The following OR4Q3 variants were observed in gnomAD, a reference collection of about 807,000 sequenced individuals.
The protein encoded by OR4Q3 is olfactory receptor family 4 subfamily Q member 3.
A neutral mutation model predicts 18.8 loss-of-function variants in OR4Q3; 17 were observed. The observed-to-expected ratio is 0.91, with a 90% CI of 0.62 to 1.36. OR4Q3 has a LOEUF of 1.36. Among genes scored for constraint, OR4Q3 ranks in the 40% most tolerant of loss-of-function variants. OR4Q3 has a pLI of 0.00. For missense variants in OR4Q3, 378 were observed against 373.4 expected (o/e 1.01, Z -0.10); for synonymous variants, 158 against 145.8 (o/e 1.08, Z -0.60).
chr14:19,751,649 T>G, downstream of OR4Q3, among the ~76,000 whole-genome samples: 1 of 152,320 alleles, frequency 6.6e-6, no homozygotes, highest in South Asian at 2.1e-4. Flanking sequence ...ATTTATCAGT[T>G]TCTTCCAGAT....
rs945371557 is a variant in OR4Q3, at chr14:19,744,052, C to A, written c.2+381C>A. On this transcript the variant is annotated intron_variant, in intron 1 of 1. Coordinates refer to ENST00000642117, the Ensembl canonical transcript of OR4Q3. The stretch of plus-strand genomic sequence containing the variant: ...TCCATTTCTTTAATTATTAAAGTTT[C>A]TTTTTACTAAAATCCTCTTTATGTT... Among the ~76,000 whole-genome samples, 6 of 150,836 alleles carry A rather than the reference C, an allele frequency of 4.0e-5. No homozygotes were observed. The East Asian group carries it at 7.7e-4, about 19-fold the overall frequency.
At chr14:19,748,159 C>T in exon 2 of OR4Q3, 5 of 1,613,992 alleles carry the variant, frequency 3.1e-6, no homozygotes, top group African/African-American at 2.7e-5. Context: ...GTGCTTCTCA[C>T]CTGACAGTGG....
downstream of OR4Q3, among the ~76,000 whole-genome samples, chr14:19,749,884 TTC>T: frequency 6.8e-3 from 183 of 27,094 alleles, 6 homozygotes; most frequent in Admixed American, 0.061. Flanking sequence ...CTTTCTTTCT[TTC>T]TTTCTTTCTT....
intron 1 of OR4Q3, among the ~76,000 whole-genome samples, chr14:19,743,938 C>T (rs1877371419): frequency 1.3e-5 from 2 of 152,098 alleles, no homozygotes; most frequent in South Asian, 4.1e-4. Context: ...TAAGATAGGC[C>T]CAAATTCACA....
intron 1 of OR4Q3, among the ~76,000 whole-genome samples, chr14:19,744,530 T>C (rs1877387051): frequency 6.6e-6 from 1 of 152,192 alleles, no homozygotes; most frequent in East Asian, 1.9e-4. Flanking sequence ...ACAAGTAGCC[T>C]TTGATATTTA....
downstream of OR4Q3, among the ~76,000 whole-genome samples, chr14:19,751,425 T>C: frequency 9.2e-5 from 14 of 152,224 alleles, no homozygotes; most frequent in Admixed American, 2.0e-4. Context: ...CTTCCTTTTT[T>C]ATTTTTTTGG....
exon 2 of OR4Q3, chr14:19,748,716 G>T: frequency 8.6e-6 from 2 of 232,106 alleles, no homozygotes; most frequent in Admixed American, 5.1e-5. Flanking sequence ...AATGAAAGAA[G>T]ATATATCTCT....
chr14:19,747,339 T>C, intron 1 of OR4Q3, 67 bp from the exon 2 acceptor site: 6 of 801,304 alleles, frequency 7.5e-6, no homozygotes, highest in African/African-American at 1.8e-5. Context: ...TTATATACTA[T>C]ATGTATATAG....
At chr14:19,745,424 ATACACCTTT>A in intron 1 of OR4Q3, among the ~76,000 whole-genome samples, 4 of 152,178 alleles carry the variant, frequency 2.6e-5, no homozygotes, top group African/African-American at 9.6e-5. Flanking sequence ...CAAGTGTACC[ATACACCTTT>A]GGTATACTAT....
At chr14:19,750,649 T>C, downstream of OR4Q3, among the ~76,000 whole-genome samples, 1 of 152,176 alleles carries the variant, frequency 6.6e-6, no homozygotes, top group Admixed American at 6.5e-5. Context: ...AGGGACAAAA[T>C]ATGTATTTTT....
downstream of OR4Q3, among the ~76,000 whole-genome samples, chr14:19,749,847 C>CTTCTTTCTTTCT: frequency 1.7e-5 from 2 of 114,340 alleles, no homozygotes; most frequent in Admixed American, 1.9e-4. Context: ...ATACAGATTA[C>CTTCTTTCTTTCT]TTCTTTCTTT....
downstream of OR4Q3, among the ~76,000 whole-genome samples, chr14:19,750,608 A>G: frequency 1.3e-5 from 2 of 152,248 alleles, no homozygotes; most frequent in African/African-American, 4.8e-5. Flanking sequence ...AAATTGCAAT[A>G]ACCCTGGTCG....
At chr14:19,747,956 A>C in exon 2 of OR4Q3, 1 of 1,613,952 alleles carries the variant, frequency 6.2e-7, no homozygotes, top group Non-Finnish European at 8.5e-7. Flanking sequence ...TGAACTGGAC[A>C]ACTTCTACTG....
chr14:19,747,860 T>C, exon 2 of OR4Q3: 6 of 1,614,070 alleles, frequency 3.7e-6, no homozygotes, highest in African/African-American at 2.7e-5. Flanking sequence ...ATGCCTTTGG[T>C]TGGTTCTTGC....
chr14:19,744,575 G>A (rs569434255), intron 1 of OR4Q3, among the ~76,000 whole-genome samples: 82 of 152,256 alleles, frequency 5.4e-4, no homozygotes, highest in African/African-American at 1.9e-3. Context: ...CTCCAAGCAG[G>A]ACCCTTCCAT....
exon 1 of OR4Q3, chr14:19,743,586 C>G (rs1454356559): frequency 6.6e-6 from 1 of 152,460 alleles, no homozygotes; most frequent in East Asian, 1.9e-4. Context: ...TTTTGCTGGC[C>G]TGAGGCTGAA....
At chr14:19,748,461 G>T in exon 2 of OR4Q3, 1 of 937,872 alleles carries the variant, frequency 1.1e-6, no homozygotes, top group Non-Finnish European at 1.6e-6. Flanking sequence ...CTTTGATGAC[G>T]TTGGTATAAA....
Position 19,747,566 on chromosome 14 carries a change from G to A in OR4Q3, c.163G>A (p.Val55Ile). The change falls in exon 2 of 2, where the codon GTA (valine) becomes ATA (isoleucine). Residue 55 changes from valine (V) to isoleucine (I), a missense_variant. Transcript: ENST00000642117. ...TGTCCTGGGAAACCTCTTGATAGTG[G>A]TAACAGTGCAAGCCCATGCTCACCT... 2.2e-5 allele frequency: 35 copies of A among 1,613,592 alleles called. No individual in the cohort carries two copies. In the African/African-American group the frequency reaches 3.6e-4, roughly 17 times the overall value.
At chr14:19,746,687 G>A in intron 1 of OR4Q3, among the ~76,000 whole-genome samples, 1 of 152,178 alleles carries the variant, frequency 6.6e-6, no homozygotes, top group Non-Finnish European at 1.5e-5. Flanking sequence ...ACCTGGGATA[G>A]TAAAGACAAA....
Sources: gnomAD v4.1 joint callset for allele counts (sites outside exome capture counted in the v4.1 genomes callset) on GRCh38, gnomAD v4.1.1 for gene constraint, MANE v1.5 for transcripts, NCBI Gene and HGNC (gene_info 2026-07-23, HGNC 2026-07-21) for gene names.